AKAP13: variants seen among roughly 807,000 people sequenced by gnomAD.
The protein encoded by AKAP13 is A-kinase anchoring protein 13.
In AKAP13, 80 loss-of-function variants were observed where a neutral mutation model predicts 264.5. The observed-to-expected ratio is 0.30, with a 90% CI of 0.25 to 0.36. AKAP13 has a LOEUF of 0.36. AKAP13 is among the 10% of genes least tolerant of loss of function. The probability of loss-of-function intolerance (pLI) is 1.00; values close to 1 mark genes in which losing one functional copy is unlikely to be tolerated. For synonymous variants in AKAP13, 1,380 were observed against 1,250.2 expected, an observed-to-expected ratio of 1.10 and a Z score of -2.19; for missense variants, 3,712 against 3,435.2, an observed-to-expected ratio of 1.08 and a Z score of -2.01.
At chr15:85,571,894 C>T (rs533207273) in intron 5 of AKAP13, among the ~76,000 whole-genome samples, 1 of 152,182 alleles carries the variant, frequency 6.6e-6, no homozygotes, top group Non-Finnish European at 1.5e-5. Context: ...TCTAGAGGGA[C>T]AAGGAAGCAA....
intron 5 of AKAP13, among the ~76,000 whole-genome samples, chr15:85,569,776 G>C (rs1358251740): frequency 6.6e-6 from 1 of 152,074 alleles, no homozygotes; most frequent in Non-Finnish European, 1.5e-5. Context: ...AGGGTTGACA[G>C]GGATAAAGAA....
chr15:85,499,124 C>T (rs575667428), intron 2 of AKAP13, among the ~76,000 whole-genome samples: 2 of 152,108 alleles, frequency 1.3e-5, no homozygotes, highest in African/African-American at 4.8e-5. Context: ...AAGGACAGAT[C>T]TATGGCTTTT....
At position 85,439,971 on chromosome 15, in the gene AKAP13, AAAAAAT is replaced by A. The variant is rs796194184; in HGVS notation, c.-11-45736_-11-45731del. 2.2e-3 allele frequency among the ~76,000 whole-genome samples: 291 copies of A among 130,052 alleles called. 14 individuals carry two copies. In the South Asian group the frequency reaches 0.065, roughly 29 times the overall value. 85.3% of individuals were successfully genotyped at this position (130,052 alleles called of 152,430 possible). A position where few individuals can be genotyped will look rare whatever the true frequency, so the allele number is the denominator to read the frequency against. On this transcript the variant is annotated intron_variant, in intron 1 of 36. Transcript: ENST00000394518. Reference sequence around the variant, plus strand: ...TGTACCCTAAAACTTAAAGTATAATAAAAAATAATAATAATAATAATAATAAATAAA... The same window carrying A: ...TGTACCCTAAAACTTAAAGTATAATAAATAATAATAATAATAATAAATAAA...
intron 17 of AKAP13, among the ~76,000 whole-genome samples, chr15:85,698,064 T>C (rs1223747942): frequency 1.3e-5 from 2 of 152,326 alleles, no homozygotes; most frequent in East Asian, 1.9e-4. Flanking sequence ...TTCGTACTTA[T>C]TTATTGTGAA....
At chr15:85,598,242 C>T (rs934087831) in intron 8 of AKAP13, among the ~76,000 whole-genome samples, 58 of 152,278 alleles carry the variant, frequency 3.8e-4, no homozygotes, top group African/African-American at 1.2e-3. Context: ...CAGCCACCCA[C>T]AGGCCTCTTG....
chr15:85,427,234 C>G (rs570953630), intron 1 of AKAP13, among the ~76,000 whole-genome samples: 1 of 152,062 alleles, frequency 6.6e-6, no homozygotes, highest in Non-Finnish European at 1.5e-5. Flanking sequence ...GGATTACAAG[C>G]GTGAGCCACC....
intron 36 of AKAP13, 38 bp downstream of exon 36, chr15:85,743,863 G>A (rs1374694808): frequency 6.4e-7 from 1 of 1,566,832 alleles, no homozygotes; most frequent in East Asian, 2.2e-5. Flanking sequence ...TGGCCATAGT[G>A]TCTGTGCATT....
intron 13 of AKAP13, among the ~76,000 whole-genome samples, chr15:85,665,823 T>C (rs1468281508): frequency 6.6e-6 from 1 of 152,224 alleles, no homozygotes; most frequent in African/African-American, 2.4e-5. Flanking sequence ...AATGATGGTT[T>C]CCAGCTTCAT....
At chr15:85,552,139 A>G (rs780300304) in intron 5 of AKAP13, among the ~76,000 whole-genome samples, 2 of 152,268 alleles carry the variant, frequency 1.3e-5, no homozygotes, top group Non-Finnish European at 2.9e-5. Flanking sequence ...AATACAACCA[A>G]TCCTATGCAT....
At chr15:85,416,921 T>C (rs1423160770) in intron 1 of AKAP13, among the ~76,000 whole-genome samples, 2 of 152,198 alleles carry the variant, frequency 1.3e-5, no homozygotes, top group African/African-American at 4.8e-5. Flanking sequence ...CCACAAATGA[T>C]TATAGGATTG....
chr15:85,741,878 C>G (rs1216249638), intron 35 of AKAP13, among the ~76,000 whole-genome samples: 1 of 152,080 alleles, frequency 6.6e-6, no homozygotes, highest in African/African-American at 2.4e-5. Context: ...AACGGCGTCT[C>G]TACTAAAAAT....
At chr15:85,538,224 C>T (rs532108092) in intron 4 of AKAP13, among the ~76,000 whole-genome samples, 2 of 152,240 alleles carry the variant, frequency 1.3e-5, no homozygotes, top group South Asian at 2.1e-4. Flanking sequence ...CAGGGAGAAA[C>T]ATCCTGGGGG....
At chr15:85,608,487 A>T (rs776634201) in intron 8 of AKAP13, among the ~76,000 whole-genome samples, 1 of 152,244 alleles carries the variant, frequency 6.6e-6, no homozygotes, top group Non-Finnish European at 1.5e-5. Flanking sequence ...TTTGCTTAGA[A>T]TCAGACCAAC....
chr15:85,661,446 C>T (rs1378831697), intron 12 of AKAP13, among the ~76,000 whole-genome samples: 9 of 152,066 alleles, frequency 5.9e-5, no homozygotes, highest in Non-Finnish European at 1.2e-4. Flanking sequence ...CAGCCAGGTG[C>T]GGTGGCTCAA....
chr15:85,693,310 A>T lies in AKAP13; in HGVS notation c.5323A>T (p.Lys1775Ter), dbSNP rs1418578214. 1 of 1,606,528 alleles carries T rather than the reference A, an allele frequency of 6.2e-7. No individual in the cohort carries two copies. The highest frequency in any genetic ancestry group is 8.5e-7 in the Non-Finnish European group (1 of 1,178,266). ...KEKEKDKIKE[K>*]EKDSKDKEKD... Reference sequence around the variant, plus strand: ...AAAAGAAAAAGATAAGATTAAGGAGAAGGAGAAAGATTCTAAAGACAAGGA... The same window carrying T: ...AAAAGAAAAAGATAAGATTAAGGAGTAGGAGAAAGATTCTAAAGACAAGGA... The change falls in exon 17 of 37, where the codon AAG becomes TAG. Residue 1775 changes from lysine to a stop codon, truncating the protein, a stop_gained. Transcript: ENST00000394518. LOFTEE classifies it high-confidence loss of function.
At chr15:85,720,108 C>G (rs539531413) in intron 23 of AKAP13, among the ~76,000 whole-genome samples, 2 of 152,012 alleles carry the variant, frequency 1.3e-5, no homozygotes, top group Non-Finnish European at 2.9e-5. Context: ...GTAGTGCACA[C>G]TTGTGGTCCC....
chr15:85,492,939 G>A (rs183705753), intron 2 of AKAP13, among the ~76,000 whole-genome samples: 3 of 152,284 alleles, frequency 2.0e-5, no homozygotes, highest in Admixed American at 2.0e-4. Context: ...CTGTTCCAGA[G>A]GAATTGGGCA....
chr15:85,712,515 A>G (rs1314747923), intron 19 of AKAP13, among the ~76,000 whole-genome samples: 1 of 150,864 alleles, frequency 6.6e-6, no homozygotes, highest in East Asian at 1.9e-4. Context: ...TGCAAGGTTC[A>G]TGAGTATTAC....
chr15:85,494,332 G>A (rs1317662860), intron 2 of AKAP13, among the ~76,000 whole-genome samples: 1 of 152,194 alleles, frequency 6.6e-6, no homozygotes, highest in African/African-American at 2.4e-5. Context: ...TGAAGGAGGA[G>A]GAAAGGGTCT....
Sources: allele counts gnomAD v4.1 joint callset (sites outside exome capture counted in the v4.1 genomes callset), GRCh38; gene constraint gnomAD v4.1.1; transcripts MANE v1.5; gene names NCBI Gene and HGNC (gene_info 2026-07-23, HGNC 2026-07-21).